Variants in SSBP2 observed in about 807,000 individuals in gnomAD.
The protein encoded by SSBP2 is single-stranded DNA-binding protein 2.
SSBP2 carries 17 observed loss-of-function variants against 61.8 expected under a neutral mutation model. The ratio of observed to expected loss-of-function variants is 0.28; its 90% CI spans 0.19 to 0.41. The LOEUF (loss-of-function observed/expected upper bound fraction) is 0.41. Ranked by LOEUF, SSBP2 falls within the 10% of genes least tolerant of loss-of-function variation. SSBP2 has a pLI of 1.00. For missense variants in SSBP2, 310 were observed against 458.7 expected (o/e 0.68, Z 2.96); for synonymous variants, 139 against 141.3 (o/e 0.98, Z 0.12).
chr5:81,748,303 T>G (rs1757483421), intron 1 of SSBP2, among the ~76,000 whole-genome samples: 1 of 152,208 alleles, frequency 6.6e-6, no homozygotes, highest in African/African-American at 2.4e-5. Context: ...CTAATTTGCT[T>G]ACTAAAGGAG....
In SSBP2 at chr5:81,525,985, T is replaced by C. The variant is rs78289656; in HGVS notation, c.283-12268A>G. On this transcript the variant is annotated intron_variant, in intron 4 of 16. Coordinates refer to ENST00000320672, the MANE Select transcript of SSBP2 (RefSeq NM_012446.5). ...GCATCAATAGCATGAATCATTGTAA[T>C]TTTAGTTTGTGTGTTGATTTTTCCA... 8.5e-3 allele frequency among the ~76,000 whole-genome samples: 1,296 copies of C among 152,160 alleles called. 12 individuals are homozygous for C. The highest frequency in any genetic ancestry group is 0.029 in the African/African-American group (1,207 of 41,536).
At chr5:81,643,785 T>C (rs547437924) in intron 2 of SSBP2, among the ~76,000 whole-genome samples, 76 of 152,096 alleles carry the variant, frequency 5.0e-4, no homozygotes, top group African/African-American at 1.8e-3. Context: ...GTATTTTTAG[T>C]AGAGACGGGA....
Position 81,417,187 on chromosome 5 carries a change from C to T in SSBP2, c.*3317G>A, listed in dbSNP as rs550146061. The T allele has an allele frequency of 2.0e-5, 3 of 152,280 alleles. No homozygotes were observed. The highest frequency in any genetic ancestry group is 6.5e-5 in the Admixed American group (1 of 15,296). 9.4% of individuals were successfully genotyped at this position (152,280 alleles called of 1,614,324 possible). A position where few individuals can be genotyped will look rare whatever the true frequency, so the allele number is the denominator to read the frequency against. ...ATTGAGAAATCTTAACTTCGGATTC[C>T]TAGCTGTGAACTTCCTCTTTATCAG... On this transcript the variant is annotated 3_prime_UTR_variant, in exon 17 of 17. Transcript: ENST00000320672.
intron 4 of SSBP2, among the ~76,000 whole-genome samples, chr5:81,547,128 T>C (rs890092350): frequency 3.3e-5 from 5 of 150,522 alleles, no homozygotes; most frequent in African/African-American, 1.2e-4. Context: ...TGGTGGGGAT[T>C]TGAAGCAACA....
At position 81,428,651 on chromosome 5, in the gene SSBP2, T is replaced by C. The variant is rs771106595; in HGVS notation, c.990A>G (p.Gln330=). The C allele has an allele frequency of 1.4e-5, 23 of 1,613,258 alleles. No individual in the cohort carries two copies. The highest frequency in any genetic ancestry group is 1.9e-5 in the Non-Finnish European group (23 of 1,179,502). ...CGCCATCATCCCTTGGAGTGCCCGGTTGATTACTCAGGCTCATATTATTGG... is the reference window on the plus strand; with the variant it reads ...CGCCATCATCCCTTGGAGTGCCCGGCTGATTACTCAGGCTCATATTATTGG... The change falls in exon 16 of 17, where the codon CAA becomes CAG. Residue 330 remains glutamine, a synonymous_variant. Coordinates refer to ENST00000320672, the MANE Select transcript of SSBP2 (RefSeq NM_012446.5).
chr5:81,563,329 G>T (rs769998871), intron 4 of SSBP2, among the ~76,000 whole-genome samples: 1 of 152,002 alleles, frequency 6.6e-6, no homozygotes, highest in Non-Finnish European at 1.5e-5. Context: ...CAAAAATCCC[G>T]AATCCAAACT....
At chr5:81,491,205 G>A (rs1188425763) in intron 5 of SSBP2, among the ~76,000 whole-genome samples, 2 of 152,122 alleles carry the variant, frequency 1.3e-5, no homozygotes, top group Non-Finnish European at 2.9e-5. Flanking sequence ...TTATGACATA[G>A]TCATTAATTC....
intron 1 of SSBP2, among the ~76,000 whole-genome samples, chr5:81,698,548 A>G (rs1390774902): frequency 6.6e-6 from 1 of 152,234 alleles, no homozygotes; most frequent in East Asian, 1.9e-4. Context: ...GCGGTGGCTC[A>G]CGCCTATAAT....
At chr5:81,568,520 A>C (rs1379835738) in intron 4 of SSBP2, among the ~76,000 whole-genome samples, 1 of 152,196 alleles carries the variant, frequency 6.6e-6, no homozygotes, top group Non-Finnish European at 1.5e-5. Flanking sequence ...AAACGGACTA[A>C]TATAGTTTGG....
chr5:81,734,672 C>T (rs922246370), intron 1 of SSBP2, among the ~76,000 whole-genome samples: 3 of 151,948 alleles, frequency 2.0e-5, no homozygotes, highest in Non-Finnish European at 2.9e-5. Context: ...TTCCAGTTCC[C>T]GAAAGAAAAA....
Position 81,531,123 on chromosome 5 carries a change from A to G in SSBP2, c.283-17406T>C, listed in dbSNP as rs140231773. ...CATGGTGGTGCATGCCTATAGTCCCAGCTACTAGGAAGGCTGAGGTGGGTG... is the reference window on the plus strand; with the variant it reads ...CATGGTGGTGCATGCCTATAGTCCCGGCTACTAGGAAGGCTGAGGTGGGTG... On this transcript the variant is annotated intron_variant, in intron 4 of 16. Coordinates refer to ENST00000320672, the MANE Select transcript of SSBP2 (RefSeq NM_012446.5). Among the ~76,000 whole-genome samples the G allele has an allele frequency of 9.9e-5, 15 of 151,782 alleles. No homozygotes were observed. The East Asian group carries it at 2.9e-3, about 30-fold the overall frequency.
At chr5:81,421,453 G>A (rs781526850) in intron 16 of SSBP2, among the ~76,000 whole-genome samples, 1 of 152,086 alleles carries the variant, frequency 6.6e-6, no homozygotes, top group Non-Finnish European at 1.5e-5. Flanking sequence ...TTGGCCTCCC[G>A]AAGTGCTGAG....
At chr5:81,438,866 C>T (rs981116177) in intron 14 of SSBP2, among the ~76,000 whole-genome samples, 2 of 152,158 alleles carry the variant, frequency 1.3e-5, no homozygotes, top group African/African-American at 4.8e-5. Flanking sequence ...AAATGTTTCT[C>T]TGTGATGTTC....
At chr5:81,692,175 A>T (rs1311022934) in intron 1 of SSBP2, among the ~76,000 whole-genome samples, 2 of 152,232 alleles carry the variant, frequency 1.3e-5, no homozygotes, top group African/African-American at 4.8e-5. Flanking sequence ...AGGAAGCAAA[A>T]CCAACATACA....
chr5:81,531,787 T>G (rs1770428676), intron 4 of SSBP2, among the ~76,000 whole-genome samples: 1 of 151,968 alleles, frequency 6.6e-6, no homozygotes, highest in African/African-American at 2.4e-5. Context: ...AAAGATAAAT[T>G]AGGAGATCAG....
At chr5:81,715,192 GAACT>G (rs1182045638) in intron 1 of SSBP2, among the ~76,000 whole-genome samples, 1 of 152,026 alleles carries the variant, frequency 6.6e-6, no homozygotes. Context: ...AAAATCAAAA[GAACT>G]AACTCAATAA....
chr5:81,458,125 G>A (rs1460153128), intron 10 of SSBP2, among the ~76,000 whole-genome samples: 9 of 151,992 alleles, frequency 5.9e-5, no homozygotes, highest in Admixed American at 1.3e-4. Flanking sequence ...ACAACCTCCC[G>A]CTCCAAACAA....
At chr5:81,435,447 G>T (rs1762616184) in intron 15 of SSBP2, among the ~76,000 whole-genome samples, 1 of 152,168 alleles carries the variant, frequency 6.6e-6, no homozygotes, top group Non-Finnish European at 1.5e-5. Flanking sequence ...GCACACACAA[G>T]TACACACTGG....
intron 16 of SSBP2, among the ~76,000 whole-genome samples, chr5:81,420,880 A>G (rs1056933485): frequency 1.3e-5 from 2 of 152,180 alleles, no homozygotes; most frequent in Non-Finnish European, 1.5e-5. Context: ...AGGCTGGATC[A>G]TAACTAAGTA....
Sources: allele counts gnomAD v4.1 joint callset (sites outside exome capture counted in the v4.1 genomes callset), GRCh38; gene constraint gnomAD v4.1.1; transcripts MANE v1.5; gene names NCBI Gene and HGNC (gene_info 2026-07-23, HGNC 2026-07-21).